The following SOS2 variants were observed in gnomAD, a reference collection of about 807,000 sequenced individuals.
SOS2 encodes son of sevenless homolog 2.
In SOS2, 65 loss-of-function variants were observed where a neutral mutation model predicts 148.2. That is an observed-to-expected ratio of 0.44 (90% CI 0.36 to 0.54). The LOEUF (loss-of-function observed/expected upper bound fraction) is 0.54, where lower values mean the gene tolerates loss of function less well. Among genes scored for constraint, SOS2 ranks in the 20% least tolerant of loss-of-function variants. SOS2 has a pLI of 0.00. For missense variants in SOS2, 1,341 were observed against 1,590.2 expected, an observed-to-expected ratio of 0.84 and a Z score of 2.67; for synonymous variants, 539 against 537.1, an observed-to-expected ratio of 1.00 and a Z score of -0.05.
intron 16 of SOS2, among the ~76,000 whole-genome samples, chr14:50,140,660 T>C (rs1395363570): frequency 1.3e-5 from 2 of 152,160 alleles, no homozygotes; most frequent in Non-Finnish European, 2.9e-5. Context: ...GGGTATAACA[T>C]TGTAGCTTTT....
intron 8 of SOS2, among the ~76,000 whole-genome samples, chr14:50,162,896 G>GTTTTT (rs1566832748): frequency 2.9e-5 from 4 of 139,854 alleles, no homozygotes; most frequent in Non-Finnish European, 3.1e-5. Context: ...CCAATGTTTT[G>GTTTTT]ATTTTTTTTT....
At chr14:50,162,049 C>T (rs983503776) in intron 8 of SOS2, among the ~76,000 whole-genome samples, 4 of 150,950 alleles carry the variant, frequency 2.6e-5, no homozygotes, top group African/African-American at 9.7e-5. Context: ...AGTCCTGGCC[C>T]AACCTTCTTT....
intron 21 of SOS2, 41 bp downstream of exon 21, chr14:50,129,920 T>C: frequency 4.8e-6 from 6 of 1,245,198 alleles, no homozygotes; most frequent in Non-Finnish European, 6.9e-6. Context: ...ATTATTATCT[T>C]TACAGTCATT....
chr14:50,228,412 ATTAACTAATT>A (rs1887445361), intron 1 of SOS2, among the ~76,000 whole-genome samples: 1 of 152,170 alleles, frequency 6.6e-6, no homozygotes, highest in Non-Finnish European at 1.5e-5. Flanking sequence ...CTTGTAGGGT[ATTAACTAATT>A]CTGTATGTAA....
chr14:50,188,150 C>G (rs1420337774), intron 5 of SOS2, among the ~76,000 whole-genome samples: 1 of 152,156 alleles, frequency 6.6e-6, no homozygotes, highest in Non-Finnish European at 1.5e-5. Context: ...TGCGTATAAT[C>G]CCAGCACTTT....
intron 10 of SOS2, 46 bp from the exon 11 acceptor site, chr14:50,158,692 G>C (rs1884895858): frequency 8.1e-7 from 1 of 1,234,846 alleles, no homozygotes; most frequent in Admixed American, 2.0e-5. Context: ...AATGTATTCA[G>C]TTTAATTAAC....
intron 18 of SOS2, among the ~76,000 whole-genome samples, chr14:50,138,103 A>T (rs1002618346): frequency 4.0e-5 from 6 of 151,898 alleles, no homozygotes; most frequent in African/African-American, 1.5e-4. Flanking sequence ...AGCCTCCCAA[A>T]GTGCTGTGAT....
chr14:50,174,649 C>G, intron 7 of SOS2, 97 bp from the exon 8 acceptor site: 1 of 534,888 alleles, frequency 1.9e-6, no homozygotes, highest in Non-Finnish European at 3.3e-6. Flanking sequence ...ATTTGAGATA[C>G]AGACTTATCA....
At chr14:50,156,213 G>T (rs926067263) in intron 12 of SOS2, 4 of 151,806 alleles carry the variant, frequency 2.6e-5, no homozygotes, top group African/African-American at 9.7e-5. Context: ...ACAGTAAAGA[G>T]GGCTAAGAGA....
intron 7 of SOS2, among the ~76,000 whole-genome samples, chr14:50,175,190 T>G (rs1368689151): frequency 6.6e-6 from 1 of 152,198 alleles, no homozygotes; most frequent in African/African-American, 2.4e-5. Context: ...CATCAAGGTA[T>G]GAGAACTTTA....
chr14:50,194,321 C>T (rs1886248523), intron 4 of SOS2, among the ~76,000 whole-genome samples: 1 of 151,866 alleles, frequency 6.6e-6, no homozygotes, highest in Non-Finnish European at 1.5e-5. Flanking sequence ...GTTTGTTGAC[C>T]CATGAATTAA....
intron 7 of SOS2, among the ~76,000 whole-genome samples, chr14:50,176,059 C>A (rs1885513092): frequency 2.0e-5 from 3 of 152,148 alleles, no homozygotes; most frequent in Admixed American, 1.3e-4. Context: ...AGAGATGGGG[C>A]CTTTAGGAGG....
intron 8 of SOS2, among the ~76,000 whole-genome samples, chr14:50,162,057 T>C (rs556841404): frequency 6.6e-6 from 1 of 151,814 alleles, no homozygotes; most frequent in South Asian, 2.1e-4. Context: ...CCCAACCTTC[T>C]TTCTATAAAC....
rs57399471 is a variant in SOS2 at position 50,121,531 on chromosome 14, A to T, written c.3380-1147T>A. Among the ~76,000 whole-genome samples the T allele has an allele frequency of 8.3e-3, 58 of 6,982 alleles. 2 individuals are homozygous for T. The highest frequency in any genetic ancestry group is 0.022 in the East Asian group (2 of 92). 4.6% of individuals were successfully genotyped at this position (6,982 alleles called of 152,430 possible). A position where few individuals can be genotyped will look rare whatever the true frequency, so the allele number is the denominator to read the frequency against. ...TGGCTCTGCAGTTACTTCCTGGGGG[A>T]GGGGGGGGAGTCCTGTTGACTCAGG... On this transcript the variant is annotated intron_variant, in intron 21 of 22. Coordinates refer to ENST00000216373, the MANE Select transcript of SOS2 (RefSeq NM_006939.4).
chr14:50,196,613 G>A (rs979137348), intron 4 of SOS2, among the ~76,000 whole-genome samples: 1 of 151,912 alleles, frequency 6.6e-6, no homozygotes, highest in Non-Finnish European at 1.5e-5. Context: ...CTAGCTAAGA[G>A]TAAATTTCAA....
At chr14:50,220,405 C>CAAAAAAAAAAAA (rs367829144) in intron 1 of SOS2, among the ~76,000 whole-genome samples, 9,701 of 29,884 alleles carry the variant, frequency 0.32, 3,640 homozygotes, top group Non-Finnish European at 0.41. Flanking sequence ...GACTCCATCT[C>CAAAAAAAAAAAA]AAAAAAAAAA....
chr14:50,167,774 G>A (rs1233859052), intron 8 of SOS2, among the ~76,000 whole-genome samples: 4 of 151,686 alleles, frequency 2.6e-5, no homozygotes, highest in Middle Eastern at 3.4e-3. Flanking sequence ...GGAGGCTGAT[G>A]TGGGAGAATT....
chr14:50,217,982 C>A (rs376955163), intron 1 of SOS2, among the ~76,000 whole-genome samples: 2 of 149,164 alleles, frequency 1.3e-5, no homozygotes, highest in Non-Finnish European at 3.0e-5. Flanking sequence ...AACAAACAAA[C>A]AAAAAAAACT....
rs144332746 is a variant in SOS2, at chr14:50,161,497, G to A, written c.1181C>T (p.Pro394Leu). Residue 394 changes from proline to leucine, a missense_variant, in exon 9 of 23, where the codon CCT (proline) becomes CTT (leucine). Pro to Leu is a moderately conservative substitution (Grantham distance 98, BLOSUM62 -3). Transcript: ENST00000216373. ...SMDRIYKQYS[P>L]RRRPGDPVCP... ...TTGGAATTACCCAGGTCGACGTCTA[G>A]GTGAATACTGCTTGTAAATTCGGTC... 2 of 1,613,086 alleles carry A rather than the reference G, an allele frequency of 1.2e-6. No individual in the cohort carries two copies. Among genetic ancestry groups the A allele is most frequent in the African/African-American group, 2.7e-5 (2 of 74,956 alleles).
Sources: allele counts gnomAD v4.1 joint callset (sites outside exome capture counted in the v4.1 genomes callset), GRCh38; gene constraint gnomAD v4.1.1; transcripts MANE v1.5; gene names NCBI Gene and HGNC (gene_info 2026-07-23, HGNC 2026-07-21).